KCNK2: variants seen among roughly 807,000 people sequenced by gnomAD.
The protein encoded by KCNK2 is potassium channel subfamily K member 2.
A neutral mutation model predicts 40.5 loss-of-function variants in KCNK2; 21 were observed. That is an observed-to-expected ratio of 0.52 (90% CI 0.37 to 0.75). The LOEUF (loss-of-function observed/expected upper bound fraction) is 0.75, where lower values mean the gene tolerates loss of function less well. KCNK2 is among the 30% of genes least tolerant of loss of function. The pLI is 0.00. For synonymous variants in KCNK2, 191 were observed against 202.2 expected, an observed-to-expected ratio of 0.94 and a Z score of 0.47; for missense variants, 399 against 531.6, an observed-to-expected ratio of 0.75 and a Z score of 2.45.
At chr1:215,193,434 C>CT (rs34175490) in intron 5 of KCNK2, among the ~76,000 whole-genome samples, 3 of 148,686 alleles carry the variant, frequency 2.0e-5, no homozygotes, top group Non-Finnish European at 3.0e-5. Context: ...GTTTTAATTA[C>CT]TTTTTTTTTT....
intron 3 of KCNK2, among the ~76,000 whole-genome samples, chr1:215,142,796 T>A (rs947785046): frequency 1.3e-5 from 2 of 151,368 alleles, no homozygotes; most frequent in East Asian, 1.9e-4. Flanking sequence ...GAAGAAATAT[T>A]TTTTTTTTCT....
At chr1:215,211,640 A>G (rs1369777061) in intron 6 of KCNK2, among the ~76,000 whole-genome samples, 1 of 152,214 alleles carries the variant, frequency 6.6e-6, no homozygotes, top group African/African-American at 2.4e-5. Flanking sequence ...TGCTTAGCAT[A>G]TAACAGGCAC....
At chr1:215,212,263 CCT>C (rs1459970629) in intron 6 of KCNK2, among the ~76,000 whole-genome samples, 1 of 152,032 alleles carries the variant, frequency 6.6e-6, no homozygotes, top group Non-Finnish European at 1.5e-5. Context: ...CTTAGGACTC[CCT>C]GTTTTCTAGC....
intron 2 of KCNK2, among the ~76,000 whole-genome samples, chr1:215,109,265 C>T (rs1660574672): frequency 6.6e-6 from 1 of 152,034 alleles, no homozygotes; most frequent in Admixed American, 6.6e-5. Flanking sequence ...CACAGTCATC[C>T]TATTCTGCTG....
At chr1:215,134,995 T>C (rs2102593893) in intron 3 of KCNK2, among the ~76,000 whole-genome samples, 1 of 152,236 alleles carries the variant, frequency 6.6e-6, no homozygotes, top group Non-Finnish European at 1.5e-5. Flanking sequence ...ATACATGTTT[T>C]AATAGATAAT....
At chr1:215,083,477 T>C (rs755999506) in intron 1 of KCNK2, 46 bp downstream of exon 1, 1 of 1,409,320 alleles carries the variant, frequency 7.1e-7, no homozygotes, top group South Asian at 1.2e-5. Context: ...CCGCACGCTC[T>C]CCTGCCCCAG....
chr1:215,131,432 T>G (rs1326609966), intron 3 of KCNK2, among the ~76,000 whole-genome samples: 2 of 147,110 alleles, frequency 1.4e-5, no homozygotes, highest in African/African-American at 4.9e-5. Context: ...ATTATATTAT[T>G]ATGTATTATA....
chr1:215,227,723 C>T (rs1407637857), intron 6 of KCNK2, among the ~76,000 whole-genome samples: 2 of 151,988 alleles, frequency 1.3e-5, no homozygotes, highest in African/African-American at 2.4e-5. Context: ...AGAAGTAATA[C>T]ACATGAGACA....
At chr1:215,207,052 T>C (rs12740245) in intron 6 of KCNK2, among the ~76,000 whole-genome samples, 82,557 of 152,004 alleles carry the variant, frequency 0.54, 23,103 homozygotes, top group East Asian at 0.67. Flanking sequence ...TCCCCTGTGG[T>C]ATAGAGGCCA....
chr1:215,194,916 T>A (rs748891121), intron 5 of KCNK2, 37 bp from the exon 6 acceptor site: 3 of 1,603,496 alleles, frequency 1.9e-6, no homozygotes, highest in Admixed American at 1.7e-5. Flanking sequence ...CTTTTAAGAC[T>A]ATGAAGTTAT....
intron 6 of KCNK2, among the ~76,000 whole-genome samples, chr1:215,200,542 CTTTAGGG>C (rs1665040068): frequency 1.3e-5 from 2 of 152,074 alleles, no homozygotes. Context: ...ATTCAGAAAA[CTTTAGGG>C]AGCCATTGAA....
chr1:215,139,545 A>G (rs904658921), intron 3 of KCNK2, among the ~76,000 whole-genome samples: 2 of 152,128 alleles, frequency 1.3e-5, no homozygotes, highest in African/African-American at 4.8e-5. Flanking sequence ...ACACTTTGGG[A>G]GGCCAAGGTG....
chr1:215,076,810 A>G (rs1658957167), intron 1 of KCNK2, among the ~76,000 whole-genome samples: 1 of 152,116 alleles, frequency 6.6e-6, no homozygotes, highest in African/African-American at 2.4e-5. Flanking sequence ...GAGCTGAGTT[A>G]TTTGTCATTT....
chr1:215,116,297 G>A (rs577100516), intron 2 of KCNK2, among the ~76,000 whole-genome samples: 2 of 152,096 alleles, frequency 1.3e-5, no homozygotes, highest in East Asian at 3.9e-4. Flanking sequence ...TATGCATGTT[G>A]CAAAATACTG....
intron 1 of KCNK2, among the ~76,000 whole-genome samples, chr1:215,060,425 A>G (rs1658327278): frequency 6.6e-6 from 1 of 152,146 alleles, no homozygotes; most frequent in African/African-American, 2.4e-5. Flanking sequence ...ACTGTCTTTG[A>G]AAGGATCAAA....
intron 6 of KCNK2, among the ~76,000 whole-genome samples, chr1:215,225,549 T>G (rs1666352678): frequency 6.6e-6 from 1 of 152,190 alleles, no homozygotes. Flanking sequence ...AGAGAACCTA[T>G]GAAAATATCA....
chr1:215,104,333 TC>T (rs1244845415), intron 2 of KCNK2, among the ~76,000 whole-genome samples: 3 of 152,102 alleles, frequency 2.0e-5, no homozygotes, highest in African/African-American at 4.8e-5. Flanking sequence ...TTTTACTTTT[TC>T]TTTCTCTTAT....
chr1:215,061,767 T>A (rs532219027), intron 1 of KCNK2, among the ~76,000 whole-genome samples: 3 of 151,904 alleles, frequency 2.0e-5, no homozygotes, highest in East Asian at 3.9e-4. Context: ...TTAAAAAAAA[T>A]TTCAGAATAA....
At chr1:215,008,115 CTT>C (rs79977750) in intron 1 of KCNK2, among the ~76,000 whole-genome samples, 38 of 132,882 alleles carry the variant, frequency 2.9e-4, no homozygotes, top group Admixed American at 3.8e-4. Context: ...AGTCCTAAGT[CTT>C]TTTTTTTTTT....
Sources: allele counts gnomAD v4.1 joint callset (sites outside exome capture counted in the v4.1 genomes callset), GRCh38; gene constraint gnomAD v4.1.1; transcripts MANE v1.5; gene names NCBI Gene and HGNC (gene_info 2026-07-23, HGNC 2026-07-21).